STX5: variants seen among roughly 807,000 people sequenced by gnomAD.
STX5 encodes syntaxin 5.
In STX5, 15 loss-of-function variants were observed where a neutral mutation model predicts 42.9. That is an observed-to-expected ratio of 0.35 (90% CI 0.23 to 0.54). The LOEUF (loss-of-function observed/expected upper bound fraction) is 0.54, where lower values mean the gene tolerates loss of function less well. Ranked by LOEUF, STX5 falls within the 20% of genes least tolerant of loss-of-function variation. The pLI is 0.91. For synonymous variants in STX5, 184 were observed against 173.2 expected, an observed-to-expected ratio of 1.06 and a Z score of -0.49; for missense variants, 430 against 455.0, an observed-to-expected ratio of 0.95 and a Z score of 0.50.
chr11:62,830,825 A>C (rs574223247), intron 2 of STX5, among the ~76,000 whole-genome samples, 194 bp downstream of exon 2: 16 of 152,252 alleles, frequency 1.1e-4, no homozygotes, highest in Admixed American at 3.9e-4. Flanking sequence ...TCACAAAAAA[A>C]AGTCTAAGTC....
At chr11:62,826,727 CAATT>C (rs2134852314) in intron 5 of STX5, among the ~76,000 whole-genome samples, 1 of 151,572 alleles carries the variant, frequency 6.6e-6, no homozygotes, top group Non-Finnish European at 1.5e-5. Flanking sequence ...AAAGATAAAA[CAATT>C]AGCCAGTCAT....
At chr11:62,828,352 A>G (rs1488534949) in intron 2 of STX5, among the ~76,000 whole-genome samples, 1 of 152,096 alleles carries the variant, frequency 6.6e-6, no homozygotes, top group Non-Finnish European at 1.5e-5. Context: ...GGCTCACGCA[A>G]TCCTCCCACC....
chr11:62,831,024 G>T lies in STX5; in HGVS notation c.220C>A (p.Arg74Ser). Residue 74 changes from arginine (R) to serine (S), a missense_variant, in exon 2 of 11, where the codon CGT becomes AGT. Transcript: ENST00000294179. ...FLSACKSLQT[R>S]QNGIQTNKPA... ...TTTCCACTCCAGGTCCTTACCTGAC[G>T]GGTCTGCAGCGACTTGCAGGCAGAC... 1 of 1,550,536 alleles carries T rather than the reference G, an allele frequency of 6.4e-7. No homozygotes were observed. Among genetic ancestry groups the T allele is most frequent in the Non-Finnish European group, 8.7e-7 (1 of 1,147,318 alleles).
At chr11:62,810,978 C>T (rs998385660) in intron 10 of STX5, among the ~76,000 whole-genome samples, 10 of 152,206 alleles carry the variant, frequency 6.6e-5, no homozygotes, top group Non-Finnish European at 1.2e-4. Context: ...ATCCTTACCT[C>T]GAACTTTCTT....
chr11:62,830,719 C>T (rs2084847153), intron 2 of STX5, among the ~76,000 whole-genome samples: 2 of 152,148 alleles, frequency 1.3e-5, no homozygotes, highest in African/African-American at 2.4e-5. Flanking sequence ...AAGGCTCTTC[C>T]TAGAACTTGT....
chr11:62,820,979 T>C (rs1242875516), intron 10 of STX5, among the ~76,000 whole-genome samples: 1 of 152,094 alleles, frequency 6.6e-6, no homozygotes, highest in Non-Finnish European at 1.5e-5. Flanking sequence ...GATTACAAAA[T>C]ACACCTTATT....
In STX5 at chr11:62,813,688, G is replaced by C. The variant is rs188832278; in HGVS notation, c.909-6060C>G. On this transcript the variant is annotated intron_variant, in intron 10 of 10. Coordinates refer to ENST00000294179, the MANE Select transcript of STX5 (RefSeq NM_003164.5). ...TCAATCAGGGTTGGACCCTGCTAAA[G>C]GGATAAGATCAAGTGGGCAGGAGTG... is the stretch of plus-strand genomic sequence containing the variant. 1.2e-3 allele frequency among the ~76,000 whole-genome samples: 181 copies of C among 152,290 alleles called. 1 individual carries two copies. Among genetic ancestry groups the C allele is most frequent in the African/African-American group, 4.2e-3 (176 of 41,554 alleles).
intron 10 of STX5, among the ~76,000 whole-genome samples, chr11:62,816,265 G>A (rs1273938782): frequency 6.6e-6 from 1 of 152,040 alleles, no homozygotes; most frequent in African/African-American, 2.4e-5. Flanking sequence ...TCAACTTACT[G>A]GTAAACTTAA....
chr11:62,821,440 T>C (rs1012557103), intron 10 of STX5, among the ~76,000 whole-genome samples: 2 of 151,596 alleles, frequency 1.3e-5, no homozygotes, highest in Admixed American at 1.3e-4. Flanking sequence ...TAAAGTTAAA[T>C]GTGGCCAGGC....
rs145410346 is a variant in STX5, at chr11:62,824,510, G to A, written c.735C>T (p.Ile245=). The A allele has an allele frequency of 2.9e-4, 475 of 1,614,146 alleles. 1 individual carries two copies. The African/African-American group carries it at 5.2e-3, about 18-fold the overall frequency. ...AESHASKDVA[I]DMMDSRTSQQ... ...GGCTGGTCCGAGAGTCCATCATGTC[G>A]ATGGCGACATCCTTGGAGGCATGGG... Residue 245 remains isoleucine, a synonymous_variant, in exon 9 of 11, where the codon ATC becomes ATT. Coordinates refer to ENST00000294179, the MANE Select transcript of STX5 (RefSeq NM_003164.5).
chr11:62,818,835 C>A (rs2084705019), intron 10 of STX5, among the ~76,000 whole-genome samples: 1 of 151,598 alleles, frequency 6.6e-6, no homozygotes, highest in African/African-American at 2.4e-5. Flanking sequence ...GAGAGTGAGA[C>A]CCTGTCTCAG....
intron 10 of STX5, among the ~76,000 whole-genome samples, chr11:62,820,524 T>C (rs2134835839): frequency 6.6e-6 from 1 of 151,308 alleles, no homozygotes; most frequent in South Asian, 2.1e-4. Context: ...CTTTTTCTTT[T>C]TTTTTTTTTT....
chr11:62,808,330 G>A, intron 10 of STX5, among the ~76,000 whole-genome samples: 1 of 152,020 alleles, frequency 6.6e-6, no homozygotes, highest in Non-Finnish European at 1.5e-5. Flanking sequence ...GGAGGCTGAG[G>A]TGGGAGGATA....
At chr11:62,823,902 C>T (rs1479789583) in intron 10 of STX5, 2 of 474,884 alleles carry the variant, frequency 4.2e-6, no homozygotes, top group Non-Finnish European at 7.7e-6. Context: ...AAATTCCATA[C>T]ACTTACACAT....
intron 5 of STX5, among the ~76,000 whole-genome samples, chr11:62,826,253 TAA>T (rs553476941): frequency 1.5e-5 from 2 of 132,340 alleles, no homozygotes; most frequent in South Asian, 2.4e-4. Context: ...GACTCCGTCT[TAA>T]AAAAAAAAAA....
At chr11:62,828,742 T>TAAACAA (rs1309217151) in intron 2 of STX5, among the ~76,000 whole-genome samples, 2 of 128,004 alleles carry the variant, frequency 1.6e-5, no homozygotes, top group African/African-American at 6.0e-5. Flanking sequence ...AATAAATAAA[T>TAAACAA]AAATAAACAA....
At chr11:62,818,703 A>AG (rs1262108996) in intron 10 of STX5, among the ~76,000 whole-genome samples, 1 of 151,380 alleles carries the variant, frequency 6.6e-6, no homozygotes, top group East Asian at 1.9e-4. Context: ...AAAAAAAAAA[A>AG]AGAAAAAAAA....
Position 62,824,426 on chromosome 11 carries a change from AAGCTGATTCTACCTAGTTCAG to A in STX5, c.786+12_786+32del, listed in dbSNP as rs774737397. 6 of 1,613,818 alleles carry A rather than the reference AAGCTGATTCTACCTAGTTCAG, an allele frequency of 3.7e-6. No individual in the cohort carries two copies. Among genetic ancestry groups the A allele is most frequent in the Non-Finnish European group, 4.2e-6 (5 of 1,179,766 alleles). ...TCGGGAACCACAGAGGATAATGGAG[AAGCTGATTCTACCTAGTTCAG>A]AGCCTGGGTACCTGCTCGTCAATGA... On this transcript the variant is annotated intron_variant, in intron 9 of 10. Transcript: ENST00000294179.
intron 10 of STX5, among the ~76,000 whole-genome samples, chr11:62,810,262 G>A (rs11231230): frequency 6.6e-6 from 1 of 151,860 alleles, no homozygotes; most frequent in African/African-American, 2.4e-5. Context: ...GGGAATATAG[G>A]AGACTCTGTC....
Sources: gnomAD v4.1 joint callset for allele counts (sites outside exome capture counted in the v4.1 genomes callset) on GRCh38, gnomAD v4.1.1 for gene constraint, MANE v1.5 for transcripts, NCBI Gene and HGNC (gene_info 2026-07-23, HGNC 2026-07-21) for gene names.